UBE2L3: variants seen among roughly 807,000 people sequenced by gnomAD.
UBE2L3 encodes ubiquitin conjugating enzyme E2 L3.
UBE2L3 carries 1 observed loss-of-function variant against 17.8 expected under a neutral mutation model. That is an observed-to-expected ratio of 0.06 (90% CI 0.02 to 0.27). The LOEUF is 0.27. Among genes scored for constraint, UBE2L3 ranks in the 10% least tolerant of loss-of-function variants. The pLI is 1.00. For missense variants in UBE2L3, 40 were observed against 192.6 expected, an observed-to-expected ratio of 0.21 and a Z score of 4.69; for synonymous variants, 44 against 68.5, an observed-to-expected ratio of 0.64 and a Z score of 1.76.
In UBE2L3 at chr22:21,614,520, C is replaced by G. The variant is rs780437478; in HGVS notation, c.310+3477C>G. ...GCGCTCTTCCTTTGTCTCCAGAGCA[C>G]CTGCTCATGATTTTTGTCTCCTGCC... On this transcript the variant is annotated intron_variant, in intron 3 of 3. Transcript: ENST00000342192. The G allele has an allele frequency of 6.1e-6, 8 of 1,315,448 alleles. No individual in the cohort carries two copies. The East Asian group carries it at 3.2e-4, about 53-fold the overall frequency. 81.5% of individuals were successfully genotyped at this position (1,315,448 alleles called of 1,614,324 possible). A position where few individuals can be genotyped will look rare whatever the true frequency, so the allele number is the denominator to read the frequency against.
chr22:21,567,833 A>C, intron 1 of UBE2L3, 62 bp downstream of exon 1: 1 of 1,556,852 alleles, frequency 6.4e-7, no homozygotes, highest in Non-Finnish European at 8.7e-7. Context: ...CGGATCCCCG[A>C]GGCAGGCGGC....
intron 1 of UBE2L3, among the ~76,000 whole-genome samples, chr22:21,582,723 A>G (rs1927713073): frequency 6.6e-6 from 1 of 152,064 alleles, no homozygotes. Flanking sequence ...ACGAGGTTTC[A>G]CCATGTTGGC....
rs534152664 is a variant in UBE2L3, at chr22:21,586,905, G to T, written c.28-5956G>T. 9.8e-5 allele frequency among the ~76,000 whole-genome samples: 13 copies of T among 132,660 alleles called. No individual in the cohort carries two copies. The East Asian group carries it at 2.4e-3, about 25-fold the overall frequency. The allele number at this position is 132,660 out of a possible 152,430, so 87.0% of individuals were successfully genotyped here. A position where few individuals can be genotyped will look rare whatever the true frequency, so the allele number is the denominator to read the frequency against. ...TTTTTTTTTTTTTTTTTTAAGATAG[G>T]TTCTCGCTCTGTCGCCCAGGCTGGA... On this transcript the variant is annotated intron_variant, in intron 1 of 3. Transcript: ENST00000342192.
intron 1 of UBE2L3, among the ~76,000 whole-genome samples, chr22:21,580,046 G>A (rs1327471134): frequency 2.0e-5 from 3 of 152,192 alleles, no homozygotes; most frequent in African/African-American, 7.2e-5. Context: ...TACTGAATAT[G>A]TTCATGTTTT....
At chr22:21,612,237 A>T (rs2148442847) in intron 3 of UBE2L3, among the ~76,000 whole-genome samples, 1 of 152,328 alleles carries the variant, frequency 6.6e-6, no homozygotes, top group East Asian at 1.9e-4. Flanking sequence ...AGGGCAGAAC[A>T]GTCTCTAGTG....
At chr22:21,599,580 G>A (rs1928744459) in intron 2 of UBE2L3, among the ~76,000 whole-genome samples, 1 of 152,098 alleles carries the variant, frequency 6.6e-6, no homozygotes, top group Non-Finnish European at 1.5e-5. Flanking sequence ...GTGGGTGGGA[G>A]GGTGACAATA....
intron 2 of UBE2L3, among the ~76,000 whole-genome samples, chr22:21,605,844 C>T (rs1203201781): frequency 2.0e-5 from 3 of 151,812 alleles, no homozygotes; most frequent in African/African-American, 7.3e-5. Flanking sequence ...CATTCTGTCA[C>T]CCAGGCTAGA....
At chr22:21,603,484 C>G (rs147493264) in intron 2 of UBE2L3, among the ~76,000 whole-genome samples, 1 of 136,796 alleles carries the variant, frequency 7.3e-6, no homozygotes, top group Admixed American at 8.2e-5. Flanking sequence ...GAACCGAGAT[C>G]GTGCCATTGC....
At chr22:21,584,647 G>T (rs1387792623) in intron 1 of UBE2L3, among the ~76,000 whole-genome samples, 1 of 150,782 alleles carries the variant, frequency 6.6e-6, no homozygotes, top group African/African-American at 2.4e-5. Context: ...GCCCAGGCTG[G>T]TCTCCAACTC....
intron 1 of UBE2L3, among the ~76,000 whole-genome samples, chr22:21,560,446 ATTT>A (rs59968738): frequency 0.017 from 2,093 of 126,218 alleles, 5 homozygotes; most frequent in African/African-American, 0.043. Flanking sequence ...CTTTAGATCT[ATTT>A]TTTTTTTTTT....
chr22:21,585,644 G>A (rs1927894420), intron 1 of UBE2L3, among the ~76,000 whole-genome samples: 1 of 152,208 alleles, frequency 6.6e-6, no homozygotes, highest in African/African-American at 2.4e-5. Context: ...CTCCTTAGAG[G>A]AACAGGCATT....
chr22:21,586,930 A>G (rs966556963), intron 1 of UBE2L3, among the ~76,000 whole-genome samples: 3 of 126,688 alleles, frequency 2.4e-5, no homozygotes, highest in African/African-American at 9.3e-5. Context: ...CCCAGGCTGG[A>G]GTTGGAGTAC....
At chr22:21,569,519 C>G (rs1161686468) in intron 1 of UBE2L3, among the ~76,000 whole-genome samples, 1 of 152,114 alleles carries the variant, frequency 6.6e-6, no homozygotes, top group Non-Finnish European at 1.5e-5. Flanking sequence ...CCCCAGACTA[C>G]CCCTGACGGA....
chr22:21,573,159 T>C (rs2148402359), intron 1 of UBE2L3, among the ~76,000 whole-genome samples: 1 of 152,254 alleles, frequency 6.6e-6, no homozygotes, highest in South Asian at 2.1e-4. Context: ...GTGTATGGTG[T>C]GGTGTGCAGT....
At chr22:21,565,490 ACCTATAAT>A (rs1200321472), upstream of UBE2L3, among the ~76,000 whole-genome samples, 5 of 151,640 alleles carry the variant, frequency 3.3e-5, no homozygotes, top group Non-Finnish European at 7.4e-5. Flanking sequence ...AGTGACTCAC[ACCTATAAT>A]CCCAGCACTT....
At chr22:21,606,315 ATGTGTG>A (rs145064151) in intron 2 of UBE2L3, among the ~76,000 whole-genome samples, 2 of 150,338 alleles carry the variant, frequency 1.3e-5, no homozygotes, top group African/African-American at 2.4e-5. Flanking sequence ...TGTGTGTGGT[ATGTGTG>A]TGTGTGTGTG....
intron 2 of UBE2L3, among the ~76,000 whole-genome samples, chr22:21,603,181 A>G (rs1928952749): frequency 6.6e-6 from 1 of 152,220 alleles, no homozygotes; most frequent in Non-Finnish European, 1.5e-5. Flanking sequence ...AATGTTAGCC[A>G]TACTATATAT....
rs1388144609 is a variant in UBE2L3 at position 21,562,403 on chromosome 22, G to A, written c.201+12753G>A. On this transcript the variant is annotated intron_variant, in intron 1 of 3. Coordinates refer to the UBE2L3 transcript ENST00000458578. ...TTTTTTTTTTTTGAGACGGAGTCTC[G>A]CTCTGTCTCCCAGGCTGGAGTGCAG... Among the ~76,000 whole-genome samples the A allele has an allele frequency of 4.2e-5, 6 of 144,562 alleles. No individual in the cohort carries two copies. In the South Asian group the frequency reaches 1.1e-3, roughly 26 times the overall value. 94.8% of individuals were successfully genotyped at this position (144,562 alleles called of 152,430 possible).
chr22:21,567,178 C>T (rs1028847467), upstream of UBE2L3, among the ~76,000 whole-genome samples: 1 of 151,508 alleles, frequency 6.6e-6, no homozygotes, highest in African/African-American at 2.4e-5. Flanking sequence ...TTTTTTTTTC[C>T]CCCAAGACGG....
Sources: gnomAD v4.1 joint callset for allele counts (sites outside exome capture counted in the v4.1 genomes callset) on GRCh38, gnomAD v4.1.1 for gene constraint, MANE v1.5 for transcripts, NCBI Gene and HGNC (gene_info 2026-07-23, HGNC 2026-07-21) for gene names.